LRRC4C: variants seen among roughly 807,000 people sequenced by gnomAD.
LRRC4C encodes leucine-rich repeat-containing protein 4C.
Under a neutral mutation model 33.6 loss-of-function variants are expected in LRRC4C, and 5 were observed. That is an observed-to-expected ratio of 0.15 (90% CI 0.08 to 0.31). LRRC4C has a LOEUF of 0.31. LRRC4C is among the 10% of genes least tolerant of loss of function. The probability of loss-of-function intolerance (pLI) is 1.00; values close to 1 mark genes in which losing one functional copy is unlikely to be tolerated. For missense variants in LRRC4C, 560 were observed against 796.7 expected (o/e 0.70, Z 3.58); for synonymous variants, 329 against 302.0 (o/e 1.09, Z -0.93).
chr11:40,725,412 G>T (rs538269404), intron 2 of LRRC4C, among the ~76,000 whole-genome samples: 1 of 152,046 alleles, frequency 6.6e-6, no homozygotes, highest in Non-Finnish European at 1.5e-5. Context: ...GGAGGCTGAG[G>T]CAGGAGAATG....
At position 40,986,122 on chromosome 11, in the gene LRRC4C, A is replaced by G. The variant is rs528694761; in HGVS notation, c.-495-52399T>C. 2.0e-5 allele frequency among the ~76,000 whole-genome samples: 3 copies of G among 152,346 alleles called. No homozygotes were observed. In the South Asian group the frequency reaches 6.2e-4, roughly 32 times the overall value. Reference sequence around the variant, plus strand: ...TATTTGCAACATTTCTGTGAATTTGAAATTGTTTCAAAATAAAAATAAAGC... The same window carrying G: ...TATTTGCAACATTTCTGTGAATTTGGAATTGTTTCAAAATAAAAATAAAGC... On this transcript the variant is annotated intron_variant, in intron 1 of 6. Transcript: ENST00000528697.
intron 1 of LRRC4C, among the ~76,000 whole-genome samples, chr11:41,123,269 T>TG (rs1453680024): frequency 3.6e-5 from 3 of 82,996 alleles, no homozygotes; most frequent in African/African-American, 1.2e-4. Context: ...TTGTTTTTTT[T>TG]TTTTTTTTTT....
intron 2 of LRRC4C, among the ~76,000 whole-genome samples, chr11:40,910,900 TC>T (rs1299664163): frequency 6.6e-6 from 1 of 152,162 alleles, no homozygotes; most frequent in Non-Finnish European, 1.5e-5. Context: ...GAAGATTATA[TC>T]CCATGCCTGG....
At chr11:40,835,270 A>G (rs1952619437) in intron 2 of LRRC4C, among the ~76,000 whole-genome samples, 1 of 152,232 alleles carries the variant, frequency 6.6e-6, no homozygotes, top group Admixed American at 6.5e-5. Flanking sequence ...GAATAACTCA[A>G]AAAAACAAAG....
chr11:41,098,562 C>T (rs1049632816), intron 1 of LRRC4C, among the ~76,000 whole-genome samples: 6 of 152,046 alleles, frequency 3.9e-5, no homozygotes, highest in Non-Finnish European at 8.8e-5. Context: ...AATATTTCAG[C>T]GCTAAGTGTT....
chr11:41,233,328 T>C (rs890069778), intron 1 of LRRC4C, among the ~76,000 whole-genome samples: 1 of 151,964 alleles, frequency 6.6e-6, no homozygotes, highest in African/African-American at 2.4e-5. Flanking sequence ...GGGGGAAAAA[T>C]TGTTAATATC....
At chr11:41,288,649 C>A (rs1949904647) in intron 1 of LRRC4C, among the ~76,000 whole-genome samples, 1 of 151,988 alleles carries the variant, frequency 6.6e-6, no homozygotes, top group Non-Finnish European at 1.5e-5. Flanking sequence ...TGAACAATAC[C>A]CACTTATTAT....
chr11:40,671,043 A>C (rs193240466), intron 2 of LRRC4C, among the ~76,000 whole-genome samples: 1 of 152,198 alleles, frequency 6.6e-6, no homozygotes. Flanking sequence ...GATTACAGGC[A>C]TGAGCCACTG....
chr11:41,436,530 T>C (rs184154582), intron 1 of LRRC4C, among the ~76,000 whole-genome samples: 2 of 152,318 alleles, frequency 1.3e-5, no homozygotes, highest in East Asian at 1.9e-4. Flanking sequence ...AGTCCCACAG[T>C]GGCAATAATG....
chr11:41,220,462 T>C (rs1947254523), intron 1 of LRRC4C, among the ~76,000 whole-genome samples: 1 of 146,004 alleles, frequency 6.8e-6, no homozygotes, highest in Non-Finnish European at 1.5e-5. Flanking sequence ...TTATCCAAAA[T>C]AGTGGATAAT....
At chr11:41,188,760 GTT>G (rs1945810856) in intron 1 of LRRC4C, among the ~76,000 whole-genome samples, 1 of 150,686 alleles carries the variant, frequency 6.6e-6, no homozygotes, top group Non-Finnish European at 1.5e-5. Context: ...GAAATAAATG[GTT>G]TCTAAAATGT....
chr11:41,401,005 G>A (rs1954005471), intron 1 of LRRC4C, among the ~76,000 whole-genome samples: 1 of 151,742 alleles, frequency 6.6e-6, no homozygotes, highest in South Asian at 2.1e-4. Context: ...AAATGCTTGA[G>A]ACTACTGAGC....
intron 2 of LRRC4C, among the ~76,000 whole-genome samples, chr11:40,859,197 G>A (rs1318573604): frequency 6.6e-6 from 1 of 152,172 alleles, no homozygotes; most frequent in Non-Finnish European, 1.5e-5. Flanking sequence ...GACTAAGCAA[G>A]AGTACAGGTT....
chr11:41,038,559 C>T (rs1857235355), intron 1 of LRRC4C, among the ~76,000 whole-genome samples: 1 of 152,072 alleles, frequency 6.6e-6, no homozygotes, highest in Non-Finnish European at 1.5e-5. Flanking sequence ...ATCATGTACT[C>T]TACAAGATGA....
chr11:41,364,403 C>T lies in LRRC4C; in HGVS notation c.-496+95028G>A, dbSNP rs1440604635. On this transcript the variant is annotated intron_variant, in intron 1 of 6. Coordinates refer to ENST00000528697, the MANE Select transcript of LRRC4C (RefSeq NM_001258419.2). ...AAGCGATTCTCCTGCCTCAGCCTCC[C>T]GATTAGCTAGGATTATAGGCACGCA... 3.9e-5 allele frequency among the ~76,000 whole-genome samples: 6 copies of T among 152,036 alleles called. No homozygotes were observed. In the East Asian group the frequency reaches 7.7e-4, roughly 20 times the overall value.
rs546010617 is a variant in LRRC4C, at chr11:40,240,004, C to T, written c.-96+1515G>A. ...CACCCCCAGACAACCTGAATCGGAA[C>T]TGGCATTTTAACATTATCTCCAAGT... On this transcript the variant is annotated intron_variant, in intron 5 of 6. Transcript: ENST00000528697. Among the ~76,000 whole-genome samples, 5 of 152,312 alleles carry T rather than the reference C, an allele frequency of 3.3e-5. No homozygotes were observed. In the South Asian group the frequency reaches 1.0e-3, roughly 32 times the overall value.
chr11:41,115,581 G>GA (rs910632698), intron 1 of LRRC4C, among the ~76,000 whole-genome samples: 3 of 151,940 alleles, frequency 2.0e-5, no homozygotes, highest in Admixed American at 1.3e-4. Context: ...TTTGCGATGG[G>GA]AAAAAATAAT....
chr11:40,911,887 T>G (rs1000434225), intron 2 of LRRC4C, among the ~76,000 whole-genome samples: 1 of 152,140 alleles, frequency 6.6e-6, no homozygotes, highest in Non-Finnish European at 1.5e-5. Context: ...GCACAAGAAC[T>G]ACGTGATGAA....
chr11:40,600,259 C>T (rs1959847245), intron 3 of LRRC4C, among the ~76,000 whole-genome samples: 1 of 152,160 alleles, frequency 6.6e-6, no homozygotes, highest in African/African-American at 2.4e-5. Flanking sequence ...TCATTTAGAA[C>T]CATTGTCTTG....
Sources: gnomAD v4.1 joint callset for allele counts (sites outside exome capture counted in the v4.1 genomes callset) on GRCh38, gnomAD v4.1.1 for gene constraint, MANE v1.5 for transcripts, NCBI Gene and HGNC (gene_info 2026-07-23, HGNC 2026-07-21) for gene names.